The following DPYD variants were observed in gnomAD, a reference collection of about 807,000 sequenced individuals.
DPYD encodes dihydropyrimidine dehydrogenase [NADP(+)].
A neutral mutation model predicts 116.2 loss-of-function variants in DPYD; 109 were observed. The ratio of observed to expected loss-of-function variants is 0.94; its 90% confidence interval spans 0.80 to 1.10. The LOEUF (loss-of-function observed/expected upper bound fraction) is 1.10. DPYD is among the 50% of genes least tolerant of loss of function. DPYD has a pLI of 0.00. For missense variants in DPYD, 1,302 were observed against 1,254.5 expected (o/e 1.04, Z -0.57); for synonymous variants, 440 against 432.0 (o/e 1.02, Z -0.23).
intron 20 of DPYD, among the ~76,000 whole-genome samples, chr1:97,110,543 T>C (rs1330551670): frequency 1.3e-5 from 2 of 152,182 alleles, no homozygotes; most frequent in Non-Finnish European, 1.5e-5. Context: ...AGATATACTT[T>C]AGCGTCTGTC....
intron 3 of DPYD, among the ~76,000 whole-genome samples, chr1:97,804,256 T>C (rs1427592466): frequency 2.0e-5 from 3 of 151,904 alleles, no homozygotes; most frequent in East Asian, 3.9e-4. Context: ...TTATGTATTA[T>C]CACCACTTAC....
At chr1:97,483,475 G>A (rs1357393535) in intron 13 of DPYD, among the ~76,000 whole-genome samples, 1 of 152,108 alleles carries the variant, frequency 6.6e-6, no homozygotes, top group Non-Finnish European at 1.5e-5. Context: ...ACACAGGGAG[G>A]CGAACGACAC....
At chr1:97,425,249 A>G (rs1257441426) in intron 14 of DPYD, among the ~76,000 whole-genome samples, 1 of 152,104 alleles carries the variant, frequency 6.6e-6, no homozygotes, top group African/African-American at 2.4e-5. Flanking sequence ...AATATCTGCC[A>G]TAGGTCTCCC....
At position 97,337,979 on chromosome 1, in the gene DPYD, T is replaced by C. The variant is rs115041684; in HGVS notation, c.2059-31682A>G. On this transcript the variant is annotated intron_variant, in intron 16 of 22. Transcript: ENST00000370192. ...GAATGGGCTCTGTACTTAGTACCAT[T>C]GACAACTTACACCTTGATTCTCTCC... Among the ~76,000 whole-genome samples, 386 of 152,298 alleles carry C rather than the reference T, an allele frequency of 2.5e-3. 2 individuals carry two copies. The highest frequency in any genetic ancestry group is 8.9e-3 in the African/African-American group (371 of 41,576).
intron 20 of DPYD, among the ~76,000 whole-genome samples, 176 bp downstream of exon 20, chr1:97,192,893 C>T (rs1438738155): frequency 2.6e-5 from 4 of 152,146 alleles, no homozygotes. Flanking sequence ...AAAGGTAACT[C>T]ACAGACCCAT....
At chr1:97,374,774 G>A (rs1462780809) in intron 15 of DPYD, among the ~76,000 whole-genome samples, 1 of 145,692 alleles carries the variant, frequency 6.9e-6, no homozygotes, top group Non-Finnish European at 1.5e-5. Context: ...CGGGTGCAGT[G>A]GCTCACAACT....
At chr1:97,573,571 C>A (rs1451330373) in intron 11 of DPYD, among the ~76,000 whole-genome samples, 189 bp downstream of exon 11, 1 of 152,138 alleles carries the variant, frequency 6.6e-6, no homozygotes, top group Non-Finnish European at 1.5e-5. Context: ...ATACTTGCCA[C>A]TTTAAAAATA....
intron 20 of DPYD, among the ~76,000 whole-genome samples, chr1:97,113,945 C>T (rs1228156115): frequency 1.3e-5 from 2 of 152,062 alleles, no homozygotes; most frequent in Non-Finnish European, 2.9e-5. Context: ...TTTCTAAATA[C>T]TTACTGGCTC....
intron 16 of DPYD, among the ~76,000 whole-genome samples, chr1:97,328,482 C>T (rs1468529029): frequency 6.6e-6 from 1 of 152,138 alleles, no homozygotes; most frequent in Non-Finnish European, 1.5e-5. Flanking sequence ...CAATATCCAT[C>T]CCATTCATAT....
chr1:97,204,693 G>GT (rs1300047608), intron 19 of DPYD, among the ~76,000 whole-genome samples: 1 of 152,068 alleles, frequency 6.6e-6, no homozygotes, highest in Non-Finnish European at 1.5e-5. Context: ...TACTCAGAGG[G>GT]TTTTTTTCAT....
intron 5 of DPYD, among the ~76,000 whole-genome samples, chr1:97,714,211 C>G (rs1194730821): frequency 6.6e-6 from 1 of 151,780 alleles, no homozygotes; most frequent in Non-Finnish European, 1.5e-5. Flanking sequence ...ATAGACCCCC[C>G]CTTTTTATTT....
chr1:97,554,632 C>G (rs1651559787), intron 11 of DPYD, among the ~76,000 whole-genome samples: 1 of 152,056 alleles, frequency 6.6e-6, no homozygotes, highest in Non-Finnish European at 1.5e-5. Flanking sequence ...ATTCTAATTA[C>G]AAGGCCAGGA....
intron 7 of DPYD, among the ~76,000 whole-genome samples, chr1:97,681,157 A>G (rs1660408301): frequency 6.6e-6 from 1 of 152,116 alleles, no homozygotes; most frequent in Non-Finnish European, 1.5e-5. Flanking sequence ...ACAGATAATG[A>G]TACTAAAGGA....
chr1:97,257,452 T>TATATATATATAGAGAGAGAGAG (rs375490078), intron 18 of DPYD, among the ~76,000 whole-genome samples: 44 of 126,464 alleles, frequency 3.5e-4, no homozygotes, highest in African/African-American at 9.7e-4. Flanking sequence ...TATATATATA[T>TATATATATATAGAGAGAGAGAG]AGAGAGAGAG....
intron 20 of DPYD, among the ~76,000 whole-genome samples, chr1:97,154,667 C>A (rs563419904): frequency 6.7e-6 from 1 of 149,164 alleles, no homozygotes; most frequent in Non-Finnish European, 1.5e-5. Flanking sequence ...GCAAAGATTG[C>A]GCCACTGCCC....
chr1:97,385,314 A>C (rs1412962931), intron 14 of DPYD, among the ~76,000 whole-genome samples: 1 of 127,150 alleles, frequency 7.9e-6, no homozygotes, highest in African/African-American at 2.8e-5. Context: ...AAAAAAAAAA[A>C]AAAAGAGAGA....
At chr1:97,541,301 T>C (rs1441846570) in intron 12 of DPYD, among the ~76,000 whole-genome samples, 1 of 152,246 alleles carries the variant, frequency 6.6e-6, no homozygotes, top group South Asian at 2.1e-4. Context: ...AGGTTGATTC[T>C]ATGAAAACTA....
At chr1:97,784,210 C>T (rs959298002) in intron 3 of DPYD, among the ~76,000 whole-genome samples, 1 of 152,024 alleles carries the variant, frequency 6.6e-6, no homozygotes, top group Non-Finnish European at 1.5e-5. Flanking sequence ...CTGCTAATTG[C>T]CATTCATTAC....
chr1:97,382,058 C>G (rs949654510), intron 15 of DPYD, among the ~76,000 whole-genome samples: 1 of 152,228 alleles, frequency 6.6e-6, no homozygotes, highest in Non-Finnish European at 1.5e-5. Context: ...AAGTTAGACT[C>G]TCAAAGGTAG....
Sources: allele counts gnomAD v4.1 joint callset (sites outside exome capture counted in the v4.1 genomes callset), GRCh38; gene constraint gnomAD v4.1.1; transcripts MANE v1.5; gene names NCBI Gene and HGNC (gene_info 2026-07-23, HGNC 2026-07-21).